The following DPYD variants were observed in gnomAD, a reference collection of about 807,000 sequenced individuals.
DPYD encodes the protein dihydropyrimidine dehydrogenase [NADP(+)].
DPYD carries 109 observed loss-of-function variants against 116.2 expected under a neutral mutation model. That is an observed-to-expected ratio of 0.94 (90% CI 0.80 to 1.10). The LOEUF (loss-of-function observed/expected upper bound fraction) is 1.10. Among genes scored for constraint, DPYD ranks in the 50% least tolerant of loss-of-function variants. The pLI, the probability that DPYD is intolerant of heterozygous loss-of-function variation, is 0.00. For synonymous variants in DPYD, 440 were observed against 432.0 expected (o/e 1.02, Z -0.23); for missense variants, 1,302 against 1,254.5 (o/e 1.04, Z -0.57).
intron 18 of DPYD, among the ~76,000 whole-genome samples, chr1:97,272,533 T>C (rs1664653297): frequency 6.6e-6 from 1 of 152,158 alleles, no homozygotes; most frequent in African/African-American, 2.4e-5. Flanking sequence ...GAAAACTTTG[T>C]TCAATCCCTT....
chr1:97,130,828 T>TTTCTC, intron 20 of DPYD, among the ~76,000 whole-genome samples: 1 of 36,414 alleles, frequency 2.7e-5, no homozygotes, highest in Non-Finnish European at 5.6e-5. Context: ...TTCCTTTCTT[T>TTTCTC]CTTCTTTCTC....
At chr1:97,653,535 C>T (rs1658717693) in intron 8 of DPYD, among the ~76,000 whole-genome samples, 1 of 152,038 alleles carries the variant, frequency 6.6e-6, no homozygotes, top group East Asian at 1.9e-4. Flanking sequence ...TGTCTCCTGA[C>T]CTCGTGATCT....
chr1:97,556,679 A>C (rs1651747122), intron 11 of DPYD, among the ~76,000 whole-genome samples: 3 of 150,830 alleles, frequency 2.0e-5, no homozygotes, highest in Admixed American at 6.6e-5. Flanking sequence ...TACAAAAGAC[A>C]TGAACTCATC....
At chr1:97,384,078 C>T (rs558238311) in intron 14 of DPYD, among the ~76,000 whole-genome samples, 7 of 152,058 alleles carry the variant, frequency 4.6e-5, no homozygotes, top group East Asian at 3.9e-4. Flanking sequence ...TACTGCACTC[C>T]GGCCTGGGCA....
chr1:97,706,812 A>C (rs1441206870), intron 5 of DPYD, among the ~76,000 whole-genome samples: 1 of 152,094 alleles, frequency 6.6e-6, no homozygotes, highest in Non-Finnish European at 1.5e-5. Flanking sequence ...TAAAGCTGCT[A>C]TAAATATCCA....
At chr1:97,501,472 C>G (rs985769603) in intron 13 of DPYD, among the ~76,000 whole-genome samples, 25 of 152,098 alleles carry the variant, frequency 1.6e-4, no homozygotes, top group Non-Finnish European at 2.5e-4. Flanking sequence ...AAGGCCAGCA[C>G]AGGAGGATCA....
At position 97,564,951 on chromosome 1, in the gene DPYD, G is replaced by A. The variant is rs147747543; in HGVS notation, c.1339+8809C>T. On this transcript the variant is annotated intron_variant, in intron 11 of 22. Transcript: ENST00000370192. ...TCATTTGTATAACAGTCAGGGTGTC[G>A]CATTGTACCTTTCTCGCCTCTCTCC... Among the ~76,000 whole-genome samples the A allele has an allele frequency of 5.3e-3, 799 of 152,084 alleles. 6 individuals are homozygous for A. Among genetic ancestry groups the A allele is most frequent in the Non-Finnish European group, 7.6e-3 (514 of 67,968 alleles).
In DPYD at chr1:97,783,033, G is replaced by A. The variant is rs528070114; in HGVS notation, c.234-42554C>T. Among the ~76,000 whole-genome samples, 3 of 152,314 alleles carry A rather than the reference G, an allele frequency of 2.0e-5. No individual in the cohort carries two copies. In the East Asian group the frequency reaches 5.8e-4, roughly 29 times the overall value. On this transcript the variant is annotated intron_variant, in intron 3 of 22. Transcript: ENST00000370192. ...AGTGTGTTGGAGAGAAGCACCAAAT[G>A]CTAGCTGTTATAATCCCTGTGTTAC... is the stretch of plus-strand genomic sequence containing the variant.
intron 13 of DPYD, among the ~76,000 whole-genome samples, chr1:97,498,926 A>G (rs60927802): frequency 6.6e-6 from 1 of 151,700 alleles, no homozygotes; most frequent in African/African-American, 2.4e-5. Context: ...ATTTTTTCTT[A>G]AAAGTTATGA....
At chr1:97,534,864 AT>A (rs1649879599) in intron 12 of DPYD, among the ~76,000 whole-genome samples, 1 of 152,046 alleles carries the variant, frequency 6.6e-6, no homozygotes, top group Non-Finnish European at 1.5e-5. Flanking sequence ...TATTCAATAA[AT>A]TAGATTTTTA....
chr1:97,106,214 T>G (rs996452557), intron 20 of DPYD, among the ~76,000 whole-genome samples: 1 of 152,122 alleles, frequency 6.6e-6, no homozygotes, highest in Non-Finnish European at 1.5e-5. Context: ...AGGTCATCAT[T>G]ATTTTCAAAG....
At chr1:97,895,234 G>A (rs575203779) in intron 1 of DPYD, among the ~76,000 whole-genome samples, 1 of 151,740 alleles carries the variant, frequency 6.6e-6, no homozygotes, top group East Asian at 2.0e-4. Context: ...TACCTTTTGT[G>A]TATAAAATAC....
chr1:97,219,378 T>C (rs1265459210), intron 19 of DPYD, among the ~76,000 whole-genome samples: 1 of 152,228 alleles, frequency 6.6e-6, no homozygotes, highest in Non-Finnish European at 1.5e-5. Flanking sequence ...ATGATAGAAC[T>C]GAATGATTCT....
chr1:97,746,662 A>G (rs1348972389), intron 3 of DPYD, among the ~76,000 whole-genome samples: 1 of 152,140 alleles, frequency 6.6e-6, no homozygotes, highest in Non-Finnish European at 1.5e-5. Context: ...GAAATTGTAT[A>G]CATTAATAAC....
chr1:97,261,517 A>T (rs11165825), intron 18 of DPYD, among the ~76,000 whole-genome samples: 1,165 of 19,268 alleles, frequency 0.06, 11 homozygotes, highest in African/African-American at 0.2. Context: ...TTTTTTTTTT[A>T]AAAAAGAACG....
chr1:97,752,100 A>T (rs1331918774), intron 3 of DPYD, among the ~76,000 whole-genome samples: 1 of 152,082 alleles, frequency 6.6e-6, no homozygotes, highest in Non-Finnish European at 1.5e-5. Context: ...TTTCTTTAAA[A>T]GTGCAACAGT....
At chr1:97,530,034 T>G (rs1233622683) in intron 12 of DPYD, among the ~76,000 whole-genome samples, 1 of 151,850 alleles carries the variant, frequency 6.6e-6, no homozygotes, top group Non-Finnish European at 1.5e-5. Context: ...TTTCTATACA[T>G]TTGACTACCT....
chr1:97,906,474 G>T (rs931702366), intron 1 of DPYD, among the ~76,000 whole-genome samples: 1 of 151,972 alleles, frequency 6.6e-6, no homozygotes, highest in African/African-American at 2.4e-5. Context: ...TTTCTAACCA[G>T]ACTCTAAGTG....
chr1:97,125,900 CA>C (rs1477805268), intron 20 of DPYD, among the ~76,000 whole-genome samples: 1 of 151,930 alleles, frequency 6.6e-6, no homozygotes, highest in African/African-American at 2.4e-5. Context: ...AACTACTAAG[CA>C]AAAAATTATT....
Sources: gnomAD v4.1 joint callset for allele counts (sites outside exome capture counted in the v4.1 genomes callset) on GRCh38, gnomAD v4.1.1 for gene constraint, MANE v1.5 for transcripts, NCBI Gene and HGNC (gene_info 2026-07-23, HGNC 2026-07-21) for gene names.